The following IL1R2 variants were observed in gnomAD, a reference collection of about 807,000 sequenced individuals.
IL1R2 encodes interleukin-1 receptor type 2.
Under a neutral mutation model 39.5 loss-of-function variants are expected in IL1R2, and 46 were observed. The ratio of observed to expected loss-of-function variants is 1.16; its 90% CI spans 0.92 to 1.49. The LOEUF (loss-of-function observed/expected upper bound fraction) is 1.49, where lower values mean the gene tolerates loss of function less well. Among genes scored for constraint, IL1R2 ranks in the 40% most tolerant of loss-of-function variants. The pLI is 0.00. For synonymous variants in IL1R2, 207 were observed against 189.6 expected (o/e 1.09, Z -0.75); for missense variants, 537 against 502.0 (o/e 1.07, Z -0.67).
intron 1 of IL1R2, among the ~76,000 whole-genome samples, chr2:102,005,251 T>C (rs1676190454): frequency 6.6e-6 from 1 of 152,100 alleles, no homozygotes; most frequent in South Asian, 2.1e-4. Flanking sequence ...GCCCTTTCAT[T>C]TGAGGGGAGG....
intron 1 of IL1R2, among the ~76,000 whole-genome samples, chr2:102,004,939 G>A (rs1676170229): frequency 6.6e-6 from 1 of 152,174 alleles, no homozygotes; most frequent in Admixed American, 6.5e-5. Flanking sequence ...TACTGGAGGA[G>A]GACAGCATTT....
At chr2:102,012,760 C>T (rs1172431921) in intron 3 of IL1R2, among the ~76,000 whole-genome samples, 2 of 152,270 alleles carry the variant, frequency 1.3e-5, no homozygotes, top group African/African-American at 2.4e-5. Context: ...GCTATAAATG[C>T]ATATTTCTTC....
At chr2:102,021,810 G>T (rs1559428082) in intron 5 of IL1R2, among the ~76,000 whole-genome samples, 1 of 152,220 alleles carries the variant, frequency 6.6e-6, no homozygotes, top group Non-Finnish European at 1.5e-5. Flanking sequence ...ACTTTGGAGA[G>T]GTGGAGAAGG....
intron 3 of IL1R2, among the ~76,000 whole-genome samples, chr2:102,012,565 G>A (rs908411829): frequency 5.9e-5 from 9 of 151,526 alleles, no homozygotes; most frequent in Admixed American, 2.6e-4. Context: ...GTGCATGTGC[G>A]TGCATGTGTG....
chr2:102,023,735 G>C (rs1428638582), intron 6 of IL1R2: 1 of 152,192 alleles, frequency 6.6e-6, no homozygotes, highest in East Asian at 1.9e-4. Flanking sequence ...CAACTGCAGA[G>C]GGCACCATCT....
rs754955562 is a variant in IL1R2, at chr2:102,024,573, C to G, written c.792C>G (p.Thr264=). The change falls in exon 7 of 9, where the codon ACC becomes ACG. Residue 264 remains threonine, a synonymous_variant. Coordinates refer to ENST00000332549, the MANE Select transcript of IL1R2 (RefSeq NM_004633.4). ...TCCCGTGTAAGGTGTTTCTGGGAAC[C>G]GGCACACCCTTAACCACCATGCTGT... The part of the protein sequence containing the change: ...LTIPCKVFLG[T]GTPLTTMLWW... The G allele has an allele frequency of 1.2e-6, 2 of 1,613,854 alleles. No individual in the cohort carries two copies. Among genetic ancestry groups the G allele is most frequent in the Admixed American group, 3.3e-5 (2 of 59,966 alleles).
chr2:102,005,249 A>G (rs1032348098), intron 1 of IL1R2, among the ~76,000 whole-genome samples: 4 of 152,154 alleles, frequency 2.6e-5, no homozygotes, highest in Non-Finnish European at 4.4e-5. Context: ...GGGCCCTTTC[A>G]TTTGAGGGGA....
At chr2:102,017,687 T>G (rs766106774) in intron 4 of IL1R2, among the ~76,000 whole-genome samples, 1 of 152,218 alleles carries the variant, frequency 6.6e-6, no homozygotes, top group Non-Finnish European at 1.5e-5. Flanking sequence ...TTTTATGATG[T>G]GAAAATCACA....
intron 1 of IL1R2, among the ~76,000 whole-genome samples, chr2:101,994,043 T>G (rs1377292481): frequency 6.6e-6 from 1 of 152,236 alleles, no homozygotes; most frequent in Non-Finnish European, 1.5e-5. Flanking sequence ...TATTACCACA[T>G]GCACAGACAC....
intron 6 of IL1R2, 65 bp downstream of exon 6, chr2:102,022,314 G>GCCCCCT: frequency 7.2e-7 from 1 of 1,395,524 alleles, no homozygotes; most frequent in Non-Finnish European, 1.0e-6. Flanking sequence ...CAATGCAGGG[G>GCCCCCT]GCTTGGGACC....
chr2:102,023,938 C>A (rs3218968), intron 6 of IL1R2, among the ~76,000 whole-genome samples: 13,913 of 151,902 alleles, frequency 0.092, 2,013 homozygotes, highest in African/African-American at 0.31. Flanking sequence ...GGTCCCAGCT[C>A]CTCGGGGCGC....
intron 1 of IL1R2, among the ~76,000 whole-genome samples, chr2:102,003,005 T>A (rs2150424205): frequency 7.9e-6 from 1 of 126,096 alleles, no homozygotes; most frequent in African/African-American, 2.6e-5. Flanking sequence ...TATGTCTATG[T>A]CTGTGTCTGT....
In IL1R2 at chr2:102,012,715, A is replaced by G. The variant is rs184038275; in HGVS notation, c.332+2889A>G. Among the ~76,000 whole-genome samples, 14 of 152,356 alleles carry G rather than the reference A, an allele frequency of 9.2e-5. No homozygotes were observed. The East Asian group carries it at 2.7e-3, about 29-fold the overall frequency. On this transcript the variant is annotated intron_variant, in intron 3 of 8. Transcript: ENST00000332549. The stretch of plus-strand genomic sequence containing the variant: ...AGCAGGCAAACCATCTTCTATTCTT[A>G]TGCTAGGAAAATGTGGATGCCTGGT...
At chr2:102,019,073 A>G (rs1677191525) in intron 4 of IL1R2, among the ~76,000 whole-genome samples, 1 of 152,058 alleles carries the variant, frequency 6.6e-6, no homozygotes, top group African/African-American at 2.4e-5. Context: ...TATTTCCTGG[A>G]GGCCTTGATC....
chr2:102,010,151 T>G (rs965049057), intron 3 of IL1R2: 3 of 321,280 alleles, frequency 9.3e-6, no homozygotes, highest in African/African-American at 6.4e-5. Flanking sequence ...TGTGCGCTAC[T>G]GTATTTAATG....
At chr2:101,996,927 T>A (rs1190854387) in intron 1 of IL1R2, among the ~76,000 whole-genome samples, 2 of 152,156 alleles carry the variant, frequency 1.3e-5, no homozygotes, top group Non-Finnish European at 2.9e-5. Flanking sequence ...TTAAGCCTGC[T>A]GCTACATGTA....
At chr2:101,992,498 T>G (rs1188722154) in intron 1 of IL1R2, among the ~76,000 whole-genome samples, 488 of 45,962 alleles carry the variant, frequency 0.011, no homozygotes, top group Middle Eastern at 0.031. Flanking sequence ...GAGACAGAGA[T>G]GGAGAGAGAC....
chr2:102,007,132 A>G (rs970056682), intron 1 of IL1R2, among the ~76,000 whole-genome samples: 1 of 152,098 alleles, frequency 6.6e-6, no homozygotes, highest in African/African-American at 2.4e-5. Context: ...TTGGTTTGTT[A>G]AGCAGCATCG....
At position 101,999,294 on chromosome 2, in the gene IL1R2, A is replaced by G. The variant is rs369098096; in HGVS notation, c.-62+7283A>G. On this transcript the variant is annotated intron_variant, in intron 1 of 8. Coordinates refer to ENST00000332549, the MANE Select transcript of IL1R2 (RefSeq NM_004633.4). ...CCCACACTCAGATTATAAGACAGAA[A>G]GCAAAATTTGTTTTAAGGGTGTATG... 1.7e-3 allele frequency among the ~76,000 whole-genome samples: 258 copies of G among 152,342 alleles called. 5 individuals carry two copies. In the South Asian group the frequency reaches 0.035, roughly 21 times the overall value.
Sources: gnomAD v4.1 joint callset for allele counts (sites outside exome capture counted in the v4.1 genomes callset) on GRCh38, gnomAD v4.1.1 for gene constraint, MANE v1.5 for transcripts, NCBI Gene and HGNC (gene_info 2026-07-23, HGNC 2026-07-21) for gene names.